Variants in ST3GAL1 observed in about 807,000 individuals in gnomAD.
ST3GAL1 encodes the protein CMP-N-acetylneuraminate-beta-galactosamide-alpha-2,3-sialyltransferase 1.
Under a neutral mutation model 34.1 loss-of-function variants are expected in ST3GAL1, and 16 were observed. The observed-to-expected ratio is 0.47, with a 90% CI of 0.32 to 0.71. The LOEUF (loss-of-function observed/expected upper bound fraction) is 0.71. ST3GAL1 is among the 30% of genes least tolerant of loss of function. ST3GAL1 has a pLI of 0.04. For missense variants in ST3GAL1, 353 were observed against 447.4 expected (o/e 0.79, Z 1.90); for synonymous variants, 191 against 184.7 (o/e 1.03, Z -0.28).
chr8:133,557,713 T>C (rs979547244), intron 1 of ST3GAL1, among the ~76,000 whole-genome samples: 10 of 152,114 alleles, frequency 6.6e-5, no homozygotes, highest in Non-Finnish European at 1.3e-4. Context: ...CCAGGCGTGG[T>C]GGCGCGTGCC....
At chr8:133,520,013 C>G (rs940344449) in intron 2 of ST3GAL1, among the ~76,000 whole-genome samples, 1 of 152,178 alleles carries the variant, frequency 6.6e-6, no homozygotes, top group Non-Finnish European at 1.5e-5. Flanking sequence ...TTCTTACTTA[C>G]AAGCATCATA....
rs1563693840 is a variant in ST3GAL1 at position 133,463,404 on chromosome 8, C to T, written c.729+10G>A. 5.0e-6 allele frequency: 8 copies of T among 1,613,920 alleles called. No homozygotes were observed. Among genetic ancestry groups the T allele is most frequent in the Non-Finnish European group, 5.9e-6 (7 of 1,179,972 alleles). ...GAACTTAGAACAGAGGGGCCGGGGC[C>T]TCCACTCACCTTATCCTGTTTCACT... On this transcript the variant is annotated intron_variant, in intron 8 of 9. Transcript: ENST00000522652.
chr8:133,545,561 A>C (rs1335047112), intron 2 of ST3GAL1, among the ~76,000 whole-genome samples: 1 of 152,230 alleles, frequency 6.6e-6, no homozygotes, highest in African/African-American at 2.4e-5. Flanking sequence ...CTAGACACTA[A>C]CAGTCTGCAT....
chr8:133,541,106 T>TAA (rs1563734604), intron 2 of ST3GAL1, among the ~76,000 whole-genome samples: 1 of 50,332 alleles, frequency 2.0e-5, no homozygotes, highest in Admixed American at 1.9e-4. Context: ...CATATATATA[T>TAA]ATATATATAT....
In ST3GAL1 at chr8:133,458,953, A is replaced by G. The variant is rs1815395851; in HGVS notation, c.*811T>C. 6.8e-6 allele frequency: 1 copy of G among 147,870 alleles called. No homozygotes were observed. The allele number at this position is 147,870 out of a possible 1,614,324, so 9.2% of individuals were successfully genotyped here. A position where few individuals can be genotyped will look rare whatever the true frequency, so the allele number is the denominator to read the frequency against. ...CAGGCTGGAGTGCAGTGGTGTGATC[A>G]CAGCCCACTGCAGCCTCGAACTCCT... On this transcript the variant is annotated 3_prime_UTR_variant, in exon 10 of 10. Coordinates refer to ENST00000522652, the MANE Select transcript of ST3GAL1 (RefSeq NM_173344.3).
intron 3 of ST3GAL1, among the ~76,000 whole-genome samples, chr8:133,488,953 G>T (rs988398112): frequency 2.6e-5 from 4 of 152,212 alleles, no homozygotes; most frequent in Non-Finnish European, 1.5e-5. Context: ...GAAGGCCAGA[G>T]GGAGAGAGGG....
chr8:133,482,767 A>T (rs1816444374), intron 3 of ST3GAL1, among the ~76,000 whole-genome samples: 1 of 152,200 alleles, frequency 6.6e-6, no homozygotes, highest in South Asian at 2.1e-4. Flanking sequence ...TGGATACTTA[A>T]TGGCCCTCAA....
intron 1 of ST3GAL1, among the ~76,000 whole-genome samples, chr8:133,554,203 T>G (rs1340349734): frequency 6.6e-6 from 1 of 152,146 alleles, no homozygotes; most frequent in African/African-American, 2.4e-5. Flanking sequence ...TGAGTCAAAT[T>G]CTAGACCCAT....
chr8:133,540,864 TAG>T (rs1166667253), intron 2 of ST3GAL1, among the ~76,000 whole-genome samples: 8 of 119,886 alleles, frequency 6.7e-5, no homozygotes, highest in African/African-American at 1.6e-4. Context: ...GACATATATA[TAG>T]AGACATATAT....
At chr8:133,468,852 A>G (rs1239286014) in intron 5 of ST3GAL1, among the ~76,000 whole-genome samples, 1 of 152,126 alleles carries the variant, frequency 6.6e-6, no homozygotes, top group Non-Finnish European at 1.5e-5. Flanking sequence ...GGGGGACTAC[A>G]CTCTGAGAGC....
intron 2 of ST3GAL1, among the ~76,000 whole-genome samples, chr8:133,541,801 A>G (rs1371016964): frequency 6.6e-6 from 1 of 152,214 alleles, no homozygotes; most frequent in African/African-American, 2.4e-5. Context: ...GCTCATCTGT[A>G]CTTGGGCCAC....
chr8:133,474,940 T>C (rs1467770501), intron 5 of ST3GAL1, among the ~76,000 whole-genome samples: 2 of 152,222 alleles, frequency 1.3e-5, no homozygotes, highest in Admixed American at 1.3e-4. Context: ...AGGATCTCTC[T>C]CTCTTTTTGC....
chr8:133,524,797 A>C (rs1218412562), intron 2 of ST3GAL1, among the ~76,000 whole-genome samples: 2 of 152,254 alleles, frequency 1.3e-5, no homozygotes, highest in Admixed American at 6.5e-5. Context: ...CTGGATGAAG[A>C]AGCAAGACAG....
chr8:133,536,185 T>A (rs1818305865), intron 2 of ST3GAL1, among the ~76,000 whole-genome samples: 1 of 151,182 alleles, frequency 6.6e-6, no homozygotes, highest in Admixed American at 6.6e-5. Flanking sequence ...TAGCAGAAGG[T>A]GGGGTGGGGT....
intron 1 of ST3GAL1, among the ~76,000 whole-genome samples, chr8:133,564,930 C>T (rs1051392714): frequency 3.9e-5 from 6 of 152,214 alleles, no homozygotes; most frequent in African/African-American, 1.4e-4. Context: ...CTACTGATAA[C>T]AATTGAAGGT....
At chr8:133,562,062 A>G (rs1819240477) in intron 1 of ST3GAL1, among the ~76,000 whole-genome samples, 1 of 152,102 alleles carries the variant, frequency 6.6e-6, no homozygotes, top group Admixed American at 6.5e-5. Context: ...CCCAGGCAAC[A>G]GAGCAAGACC....
intron 1 of ST3GAL1, among the ~76,000 whole-genome samples, chr8:133,569,037 G>A (rs550769353): frequency 5.9e-5 from 9 of 152,272 alleles, no homozygotes; most frequent in African/African-American, 1.9e-4. Context: ...GCAGAGCTTC[G>A]AGGAACAGAC....
rs2130907383 is a variant in ST3GAL1 at position 133,457,944 on chromosome 8, G to C, written c.*1820C>G. On this transcript the variant is annotated 3_prime_UTR_variant, in exon 10 of 10. Transcript: ENST00000522652. ...TTTCAGGGATATTTTCAACAAGAAA[G>C]TGGTTTTTCTGCTTAAACATTAGTA... The C allele has an allele frequency of 6.6e-6, 1 of 152,350 alleles. No individual in the cohort carries two copies. 9.4% of individuals were successfully genotyped at this position (152,350 alleles called of 1,614,324 possible). A position where few individuals can be genotyped will look rare whatever the true frequency, so the allele number is the denominator to read the frequency against.
chr8:133,468,008 G>A (rs1056815657), intron 5 of ST3GAL1, among the ~76,000 whole-genome samples: 2 of 152,160 alleles, frequency 1.3e-5, no homozygotes, highest in Admixed American at 6.5e-5. Flanking sequence ...AATGGAACTC[G>A]TGCATTGCTG....
Sources: gnomAD v4.1 joint callset for allele counts (sites outside exome capture counted in the v4.1 genomes callset) on GRCh38, gnomAD v4.1.1 for gene constraint, MANE v1.5 for transcripts, NCBI Gene and HGNC (gene_info 2026-07-23, HGNC 2026-07-21) for gene names.